Variants in NR4A2 observed in about 807,000 individuals in gnomAD.
The protein encoded by NR4A2 is nuclear receptor subfamily 4 group A member 2, also known as NGFI-B/nur77 beta-type transcription factor homolog.
A neutral mutation model predicts 50.5 loss-of-function variants in NR4A2; 1 was observed. The observed-to-expected ratio is 0.02, with a 90% CI of 0.01 to 0.09. The LOEUF (loss-of-function observed/expected upper bound fraction) is 0.09. Among genes scored for constraint, NR4A2 ranks in the 10% least tolerant of loss-of-function variants. The probability of loss-of-function intolerance (pLI) is 1.00; values close to 1 mark genes in which losing one functional copy is unlikely to be tolerated. For missense variants in NR4A2, 613 were observed against 777.3 expected (o/e 0.79, Z 2.51); for synonymous variants, 328 against 309.4 (o/e 1.06, Z -0.63).
In NR4A2 at chr2:156,332,685, G is replaced by A. The variant is rs1439608302; in HGVS notation, c.-332C>T. 2 of 381,276 alleles carry A rather than the reference G, an allele frequency of 5.2e-6. No individual in the cohort carries two copies. The highest frequency in any genetic ancestry group is 1.0e-5 in the Non-Finnish European group (2 of 195,552). 23.6% of individuals were successfully genotyped at this position (381,276 alleles called of 1,614,324 possible). A position where few individuals can be genotyped will look rare whatever the true frequency, so the allele number is the denominator to read the frequency against. On this transcript the variant is annotated 5_prime_UTR_variant, in exon 1 of 8. Transcript: ENST00000339562. Reference sequence around the variant, plus strand: ...CCGTGCGCGAGCCGCCGGGCGGACTGGCCCTGGCCGCCAATGTGCCTTTGT... The same window carrying A: ...CCGTGCGCGAGCCGCCGGGCGGACTAGCCCTGGCCGCCAATGTGCCTTTGT...
At chr2:156,331,727 T>C (rs1033252362) in intron 1 of NR4A2, 3 of 152,232 alleles carry the variant, frequency 2.0e-5, no homozygotes, top group Non-Finnish European at 4.4e-5. Flanking sequence ...CTTTTTATTC[T>C]TTCCCCTCCC....
chr2:156,329,546 T>TCCA lies in NR4A2; in HGVS notation c.638_640dup (p.Val213dup). The TCCA allele has an allele frequency of 6.2e-7, 1 of 1,603,838 alleles. No homozygotes were observed. The highest frequency in any genetic ancestry group is 8.5e-7 in the Non-Finnish European group (1 of 1,174,336). On this transcript the variant is annotated inframe_insertion, in exon 3 of 8. Coordinates refer to ENST00000339562, the MANE Select transcript of NR4A2 (RefSeq NM_006186.4). The surrounding 1 kb of genome is among the most constrained non-coding windows in gnomAD (Gnocchi z 7.5). ...GTTGGGCACAGCGAAGGTCTGCCCG[T>TCCA]CCACCACGTGGTGGCTGCCGGCGGG...
In NR4A2 at chr2:156,332,699, A is replaced by G. The variant is rs1686990273; in HGVS notation, c.-346T>C. ...CCGGGCGGACTGGCCCTGGCCGCCA[A>G]TGTGCCTTTGTTTATGTGGCTTGCG... On this transcript the variant is annotated 5_prime_UTR_variant, in exon 1 of 8. Transcript: ENST00000339562. 1 of 371,156 alleles carries G rather than the reference A, an allele frequency of 2.7e-6. No individual in the cohort carries two copies. Among genetic ancestry groups the G allele is most frequent in the Non-Finnish European group, 5.3e-6 (1 of 189,334 alleles). 23.0% of individuals were successfully genotyped at this position (371,156 alleles called of 1,614,324 possible).
chr2:156,324,522 C>T lies in NR4A2; in HGVS notation c.*1222G>A, dbSNP rs1303837270. 1.3e-5 allele frequency: 2 copies of T among 152,470 alleles called. No individual in the cohort carries two copies. Among genetic ancestry groups the T allele is most frequent in the East Asian group, 3.9e-4 (2 of 5,194 alleles). 9.4% of individuals were successfully genotyped at this position (152,470 alleles called of 1,614,324 possible). On this transcript the variant is annotated 3_prime_UTR_variant, in exon 8 of 8. Transcript: ENST00000339562. ...TCAGAAAAAAAATCAGCATCTCTAA[C>T]TGTCATACACCATAGAAAAAAAGGC...
Position 156,329,970 on chromosome 2 carries a change from C to A in NR4A2, c.217G>T (p.Val73Phe). The A allele has an allele frequency of 6.2e-7, 1 of 1,614,170 alleles. No individual in the cohort carries two copies. The highest frequency in any genetic ancestry group is 1.1e-5 in the South Asian group (1 of 91,088). ...ATTTGGTACAAGCAAGGTGGCTTGA[C>A]GTCGTAGCCTGTGCTGTAGTTGTCC... The part of the protein sequence containing the change: ...FMDNYSTGYD[V>F]KPPCLYQMPL... Residue 73 changes from valine to phenylalanine, a missense_variant, in exon 3 of 8, where the codon GTC (valine) becomes TTC (phenylalanine). Transcript: ENST00000339562. The surrounding 1 kb of genome is among the most constrained non-coding windows in gnomAD (Gnocchi z 7.5).
chr2:156,327,832 C>A lies in NR4A2; in HGVS notation c.1158+19G>T, dbSNP rs540232199. ...TCTGTCGGTTTGTCCACATGATATC[C>A]CCCCCGCCAGCTTCTTACCCTGGAA... is the stretch of plus-strand genomic sequence containing the variant. On this transcript the variant is annotated intron_variant, in intron 5 of 7. Transcript: ENST00000339562. The A allele has an allele frequency of 3.8e-6, 6 of 1,562,162 alleles. No homozygotes were observed. The South Asian group carries it at 7.1e-5, about 18-fold the overall frequency.
In NR4A2 at chr2:156,328,742, A is replaced by G. The variant is rs532389053; in HGVS notation, c.865-209T>C. Among the ~76,000 whole-genome samples the G allele has an allele frequency of 6.6e-6, 1 of 152,040 alleles. No homozygotes were observed. Among genetic ancestry groups the G allele is most frequent in the African/African-American group, 2.4e-5 (1 of 41,438 alleles). ...GGGCATTTAACAGAAGAAAATTGAT[A>G]GCGTTAACATTTGAGCTAACCTTGC... On this transcript the variant is annotated intron_variant, in intron 3 of 7. Transcript: ENST00000339562. The surrounding 1 kb of genome is among the most constrained non-coding windows in gnomAD (Gnocchi z 4.9).
intron 5 of NR4A2, 140 bp from the exon 6 acceptor site, chr2:156,327,060 T>A (rs1686682398): frequency 5.1e-6 from 4 of 788,248 alleles, no homozygotes; most frequent in Admixed American, 4.0e-5. Context: ...AATTAGATGT[T>A]CCGGGGCAAT....
chr2:156,330,822 T>G, intron 1 of NR4A2, 31 bp from the exon 2 acceptor site: 1 of 1,240,434 alleles, frequency 8.1e-7, no homozygotes, highest in Non-Finnish European at 1.0e-6. Flanking sequence ...GCTTCAGGGT[T>G]TCTTCCCGAC....
chr2:156,325,606 G>A lies in NR4A2; in HGVS notation c.*138C>T. On this transcript the variant is annotated 3_prime_UTR_variant, in exon 8 of 8. Coordinates refer to ENST00000339562, the MANE Select transcript of NR4A2 (RefSeq NM_006186.4). The stretch of plus-strand genomic sequence containing the variant: ...TTTGTTTGTTTTCTTTAGGGATCAA[G>A]GGGGCTAGGAGGGTTACAGAAATGG... 9.1e-7 allele frequency: 1 copy of A among 1,102,046 alleles called. No individual in the cohort carries two copies. Among genetic ancestry groups the A allele is most frequent in the Admixed American group, 1.7e-5 (1 of 57,344 alleles). 68.3% of individuals were successfully genotyped at this position (1,102,046 alleles called of 1,614,324 possible).
At position 156,330,107 on chromosome 2, in the gene NR4A2, G is replaced by C; in HGVS notation, c.80C>G (p.Ser27Trp). 1 of 1,614,170 alleles carries C rather than the reference G, an allele frequency of 6.2e-7. No homozygotes were observed. Among genetic ancestry groups the C allele is most frequent in the Non-Finnish European group, 8.5e-7 (1 of 1,180,024 alleles). Reference protein sequence around the residue: ...PASQSYSYHSSGEYSSDFLTP... With the variant: ...PASQSYSYHSWGEYSSDFLTP... ...TAAGAAATCGGAGCTGTATTCTCCC[G>C]AAGAGTGGTAACTGTAGCTCTGAGA... Residue 27 changes from serine to tryptophan, a missense_variant, in exon 3 of 8, where the codon TCG becomes TGG. Physicochemically the swap from Ser to Trp is radical, Grantham distance 177 (BLOSUM62 -3). This residue lies in a region of NR4A2 where 61 missense variants were observed against 96.4 expected (regional missense o/e 0.63). Coordinates refer to ENST00000339562, the MANE Select transcript of NR4A2 (RefSeq NM_006186.4).
In NR4A2 at chr2:156,328,235, C is replaced by T. The variant is rs568780353; in HGVS notation, c.994+169G>A. On this transcript the variant is annotated intron_variant, in intron 4 of 7. Coordinates refer to ENST00000339562, the MANE Select transcript of NR4A2 (RefSeq NM_006186.4). This position sits in a 1 kb window ranked among gnomAD's most constrained non-coding sequence, Gnocchi z 4.9. Reference sequence around the variant, plus strand: ...ATAGTTAAAGGAGAGAAGGGCCTGGCGGCTTTCTCTAGGGAAGGCCGGGCA... The same window carrying T: ...ATAGTTAAAGGAGAGAAGGGCCTGGTGGCTTTCTCTAGGGAAGGCCGGGCA... 6.6e-6 allele frequency among the ~76,000 whole-genome samples: 1 copy of T among 152,202 alleles called. No homozygotes were observed. The highest frequency in any genetic ancestry group is 2.4e-5 in the African/African-American group (1 of 41,454).
chr2:156,325,579 T>A lies in NR4A2; in HGVS notation c.*165A>T, dbSNP rs1256278223. 1 of 925,368 alleles carries A rather than the reference T, an allele frequency of 1.1e-6. No homozygotes were observed. The highest frequency in any genetic ancestry group is 1.7e-6 in the Non-Finnish European group (1 of 592,910). 57.3% of individuals were successfully genotyped at this position (925,368 alleles called of 1,614,324 possible). A position where few individuals can be genotyped will look rare whatever the true frequency, so the allele number is the denominator to read the frequency against. ...TTAGGAAATAGCAACAGTTTTTGTT[T>A]GTTTGTTTGTTTTCTTTAGGGATCA... On this transcript the variant is annotated 3_prime_UTR_variant, in exon 8 of 8. Coordinates refer to ENST00000339562, the MANE Select transcript of NR4A2 (RefSeq NM_006186.4).
Position 156,332,521 on chromosome 2 carries a change from C to T in NR4A2, c.-168G>A. On this transcript the variant is annotated 5_prime_UTR_variant, in exon 1 of 8. Coordinates refer to ENST00000339562, the MANE Select transcript of NR4A2 (RefSeq NM_006186.4). ...TCTGTCTTCATTCATTCAACTCTGC[C>T]GAAGTGCAGTTCCCTCTGGGAGCCC... 7.8e-7 allele frequency: 1 copy of T among 1,289,138 alleles called. No individual in the cohort carries two copies. The highest frequency in any genetic ancestry group is 1.5e-5 in the African/African-American group (1 of 66,000). The allele number at this position is 1,289,138 out of a possible 1,614,324, so 79.9% of individuals were successfully genotyped here.
chr2:156,329,860 C>T lies in NR4A2; in HGVS notation c.327G>A (p.Gln109=). Residue 109 remains glutamine (Q), a synonymous_variant, in exon 3 of 8, where the codon CAG becomes CAA. Transcript: ENST00000339562. The surrounding 1 kb of genome is among the most constrained non-coding windows in gnomAD (Gnocchi z 7.5). ...NYQQHSHLPP[Q]SEEMMPHSGS... The stretch of plus-strand genomic sequence containing the variant: ...CGGAGTGCGGCATCATCTCCTCAGA[C>T]TGGGGGGGCAGGTGGCTGTGTTGCT... 1.2e-6 allele frequency: 2 copies of T among 1,614,140 alleles called. No individual in the cohort carries two copies. Among genetic ancestry groups the T allele is most frequent in the Non-Finnish European group, 1.7e-6 (2 of 1,180,026 alleles).
Position 156,326,673 on chromosome 2 carries a change from T to C in NR4A2, c.1361+45A>G. 6.3e-7 allele frequency: 1 copy of C among 1,589,396 alleles called. No individual in the cohort carries two copies. Among genetic ancestry groups the C allele is most frequent in the East Asian group, 2.2e-5 (1 of 44,714 alleles). ...CCTCCCTTTCTTTTCCTTTCTTGAT[T>C]TCTCTCACAGCCTCCCTGGATTGTC... On this transcript the variant is annotated intron_variant, in intron 6 of 7. Coordinates refer to ENST00000339562, the MANE Select transcript of NR4A2 (RefSeq NM_006186.4). The surrounding 1 kb of genome is among the most constrained non-coding windows in gnomAD (Gnocchi z 4.2).
In NR4A2 at chr2:156,324,703, G is replaced by A. The variant is rs1016399824; in HGVS notation, c.*1041C>T. 3 of 152,568 alleles carry A rather than the reference G, an allele frequency of 2.0e-5. No individual in the cohort carries two copies. The highest frequency in any genetic ancestry group is 2.0e-4 in the Admixed American group (3 of 15,284). The allele number at this position is 152,568 out of a possible 1,614,324, so 9.5% of individuals were successfully genotyped here. On this transcript the variant is annotated 3_prime_UTR_variant, in exon 8 of 8. Coordinates refer to ENST00000339562, the MANE Select transcript of NR4A2 (RefSeq NM_006186.4). ...TGCTCAGTTATTTCCAGGGAGTTAT[G>A]TATATTATAAGCACTCTGGAAACAG... is the stretch of plus-strand genomic sequence containing the variant.
intron 5 of NR4A2, among the ~76,000 whole-genome samples, chr2:156,327,307 A>G (rs915484420): frequency 3.3e-5 from 5 of 152,082 alleles, no homozygotes; most frequent in African/African-American, 9.7e-5. Flanking sequence ...ACTTCCTCCA[A>G]TTAAAGCCCG....
At position 156,328,018 on chromosome 2, in the gene NR4A2, C is replaced by G. The variant is rs1375132053; in HGVS notation, c.995-4G>C. 6.9e-6 allele frequency: 11 copies of G among 1,604,094 alleles called. No homozygotes were observed. The highest frequency in any genetic ancestry group is 9.4e-6 in the Non-Finnish European group (11 of 1,174,864). On this transcript the variant is annotated splice_region_variant and splice_polypyrimidine_tract_variant and intron_variant, in intron 4 of 7. Transcript: ENST00000339562. The surrounding 1 kb of genome is among the most constrained non-coding windows in gnomAD (Gnocchi z 4.9). ...TTTAAACTGTCTGTGCGAACCACTG[C>G]AAAGGAAGAGCCCTGTTAGCGCCGC...
Sources: gnomAD v4.1 joint callset for allele counts (sites outside exome capture counted in the v4.1 genomes callset) on GRCh38, gnomAD v4.1.1 for gene constraint, gnomAD v4.1.1 regional missense constraint, Gnocchi (gnomAD v3.1) non-coding constraint, MANE v1.5 for transcripts, NCBI Gene and HGNC (gene_info 2026-07-23, HGNC 2026-07-21) for gene names.